PSMD1: variants seen among roughly 807,000 people sequenced by gnomAD.
PSMD1 encodes the protein proteasome 26S subunit, non-ATPase 1.
Under a neutral mutation model 119.0 loss-of-function variants are expected in PSMD1, and 18 were observed. That is an observed-to-expected ratio of 0.15 (90% CI 0.10 to 0.22). The LOEUF is 0.22. Among genes scored for constraint, PSMD1 ranks in the 10% least tolerant of loss-of-function variants. The probability of loss-of-function intolerance (pLI) is 1.00; values close to 1 mark genes in which losing one functional copy is unlikely to be tolerated. For missense variants in PSMD1, 702 were observed against 1,158.5 expected (o/e 0.61, Z 5.72); for synonymous variants, 374 against 396.6 (o/e 0.94, Z 0.68).
At chr2:231,068,213 G>A (rs1196647925) in intron 5 of PSMD1, among the ~76,000 whole-genome samples, 2 of 152,104 alleles carry the variant, frequency 1.3e-5, no homozygotes, top group Non-Finnish European at 2.9e-5. Flanking sequence ...AGGTATTTGT[G>A]CCTTTTTCAC....
intron 5 of PSMD1, among the ~76,000 whole-genome samples, chr2:231,068,191 C>A (rs1448656384): frequency 1.3e-5 from 2 of 152,168 alleles, no homozygotes; most frequent in African/African-American, 4.8e-5. Context: ...AGATCATAAG[C>A]TATATCGGGA....
chr2:231,157,445 T>A (rs951657087), intron 19 of PSMD1, among the ~76,000 whole-genome samples: 6 of 149,768 alleles, frequency 4.0e-5, no homozygotes, highest in East Asian at 1.9e-4. Context: ...TTTTTTTTTT[T>A]ATATCTTCTT....
At chr2:231,158,444 A>G (rs1696560448) in intron 19 of PSMD1, among the ~76,000 whole-genome samples, 1 of 151,670 alleles carries the variant, frequency 6.6e-6, no homozygotes, top group South Asian at 2.1e-4. Flanking sequence ...CCGAAGATAA[A>G]GAAGTTGATT....
At chr2:231,082,637 G>A (rs1559223171) in intron 12 of PSMD1, among the ~76,000 whole-genome samples, 1 of 152,138 alleles carries the variant, frequency 6.6e-6, no homozygotes, top group East Asian at 1.9e-4. Context: ...CCCAGGAGGT[G>A]GAGTTTGCAG....
At chr2:231,067,531 T>G (rs566924970) in intron 5 of PSMD1, among the ~76,000 whole-genome samples, 85 of 152,372 alleles carry the variant, frequency 5.6e-4, no homozygotes, top group Non-Finnish European at 9.7e-4. Context: ...ATCTGCAGGC[T>G]TACTTTGCCT....
At chr2:231,150,371 T>G in intron 18 of PSMD1, among the ~76,000 whole-genome samples, 1 of 151,474 alleles carries the variant, frequency 6.6e-6, no homozygotes, top group Non-Finnish European at 1.5e-5. Flanking sequence ...AAAAAGTATA[T>G]ATGTCTATAT....
At chr2:231,106,339 C>T (rs1305771791) in intron 16 of PSMD1, among the ~76,000 whole-genome samples, 5 of 152,272 alleles carry the variant, frequency 3.3e-5, no homozygotes, top group Admixed American at 3.3e-4. Context: ...TAAGCAAGAG[C>T]TAGACATGGT....
At chr2:231,075,290 T>C (rs916745300) in intron 7 of PSMD1, among the ~76,000 whole-genome samples, 1 of 152,228 alleles carries the variant, frequency 6.6e-6, no homozygotes, top group Non-Finnish European at 1.5e-5. Context: ...TTGTTGTCCA[T>C]GGTTTTGCTA....
intron 16 of PSMD1, among the ~76,000 whole-genome samples, chr2:231,098,121 C>T (rs1191341963): frequency 1.3e-5 from 2 of 152,228 alleles, no homozygotes; most frequent in African/African-American, 2.4e-5. Context: ...CTTCTGCTAG[C>T]AAAGCAGTTG....
In PSMD1 at chr2:231,131,698, C is replaced by G. The variant is rs1410187130; in HGVS notation, c.1884-7038C>G. ...AATGGCGTGAACCCGGGAGGCGGAG[C>G]TTGCAGTGAGCCGAGGTCCCGCCAC... is the stretch of plus-strand genomic sequence containing the variant. On this transcript the variant is annotated intron_variant, in intron 16 of 24. Coordinates refer to ENST00000308696, the MANE Select transcript of PSMD1 (RefSeq NM_002807.4). 4.8e-4 allele frequency among the ~76,000 whole-genome samples: 21 copies of G among 43,532 alleles called. 4 individuals are homozygous for G. The highest frequency in any genetic ancestry group is 3.6e-4 in the Non-Finnish European group (11 of 30,356). 28.6% of individuals were successfully genotyped at this position (43,532 alleles called of 152,430 possible).
intron 16 of PSMD1, chr2:231,108,752 G>T: frequency 6.2e-7 from 1 of 1,614,102 alleles, no homozygotes; most frequent in South Asian, 1.1e-5. Flanking sequence ...AGTTTTTACT[G>T]ACTTTGTGGC....
chr2:231,128,190 T>C (rs766608475), intron 16 of PSMD1, among the ~76,000 whole-genome samples: 6 of 152,236 alleles, frequency 3.9e-5, no homozygotes, highest in Non-Finnish European at 8.8e-5. Context: ...TACATATTCA[T>C]TTGTGAAGTA....
intron 17 of PSMD1, among the ~76,000 whole-genome samples, chr2:231,144,277 G>A (rs1424534539): frequency 6.7e-6 from 1 of 149,778 alleles, no homozygotes; most frequent in South Asian, 2.1e-4. Flanking sequence ...TGGAGACAGA[G>A]TTTCACTCTT....
rs959479040 is a variant in PSMD1, at chr2:231,153,729, G to A, written c.2218+63G>A. ...ACTAAATCTAATAAAATAACTATCT[G>A]CTCTAACTATATGACATAATGGAAA... On this transcript the variant is annotated intron_variant, in intron 19 of 24. Coordinates refer to ENST00000308696, the MANE Select transcript of PSMD1 (RefSeq NM_002807.4). 118 of 1,150,376 alleles carry A rather than the reference G, an allele frequency of 1.0e-4. 2 individuals carry two copies. In the South Asian group the frequency reaches 1.5e-3, roughly 15 times the overall value. 71.3% of individuals were successfully genotyped at this position (1,150,376 alleles called of 1,614,324 possible).
intron 16 of PSMD1, among the ~76,000 whole-genome samples, chr2:231,097,974 A>G (rs1230159261): frequency 6.6e-6 from 1 of 152,168 alleles, no homozygotes; most frequent in Non-Finnish European, 1.5e-5. Context: ...AAAATTCTTA[A>G]GCTCACTGCA....
rs1266210828 is a variant in PSMD1, at chr2:231,083,774, A to G, written c.1722+11A>G. The G allele has an allele frequency of 1.7e-5, 28 of 1,613,502 alleles. No individual in the cohort carries two copies. The highest frequency in any genetic ancestry group is 2.3e-5 in the Non-Finnish European group (27 of 1,179,532). Reference sequence around the variant, plus strand: ...CTCTGTCGTGACAAGGTGAGATCACATACGTCCCTCACTGTCCATTTATCT... The same window carrying G: ...CTCTGTCGTGACAAGGTGAGATCACGTACGTCCCTCACTGTCCATTTATCT... On this transcript the variant is annotated intron_variant, in intron 14 of 24. Transcript: ENST00000308696.
chr2:231,109,762 G>A (rs926252208), intron 16 of PSMD1, among the ~76,000 whole-genome samples: 13 of 152,114 alleles, frequency 8.5e-5, no homozygotes, highest in Non-Finnish European at 1.8e-4. Flanking sequence ...GAGAAATTCA[G>A]AAGAGAACCT....
rs1185130944 is a variant in PSMD1, at chr2:231,062,305, G to A, written c.118G>A (p.Glu40Lys). The A allele has an allele frequency of 1.9e-6, 3 of 1,609,726 alleles. No individual in the cohort carries two copies. Among genetic ancestry groups the A allele is most frequent in the South Asian group, 1.1e-5 (1 of 90,852 alleles). ...TAATGACTTCTGGGCAGAAATTTCC[G>A]AGTCCGTAGACAAAATGTAAGAAAT... ...VVNDFWAEIS[E>K]SVDKIEVLYE... The change falls in exon 3 of 25, where the codon GAG becomes AAG. Residue 40 changes from glutamate to lysine, a missense_variant. Physicochemically the swap from Glu to Lys is moderately conservative, Grantham distance 56. This residue lies in a region of PSMD1 where 60 missense variants were observed against 118.2 expected (regional missense o/e 0.51). Coordinates refer to ENST00000308696, the MANE Select transcript of PSMD1 (RefSeq NM_002807.4).
rs181446829 is a variant in PSMD1, at chr2:231,160,982, G to A, written c.2219-358G>A. Among the ~76,000 whole-genome samples, 189 of 152,202 alleles carry A rather than the reference G, an allele frequency of 1.2e-3. 1 individual carries two copies. Among genetic ancestry groups the A allele is most frequent in the African/African-American group, 4.0e-3 (168 of 41,516 alleles). ...TCCCAAGACTTTGGGAGGCTGAGTC[G>A]GGAGGATCATATGAGGCTAGGAGTT... On this transcript the variant is annotated intron_variant, in intron 19 of 24. Transcript: ENST00000308696.
Sources: allele counts gnomAD v4.1 joint callset (sites outside exome capture counted in the v4.1 genomes callset), GRCh38; gene constraint gnomAD v4.1.1; regional missense constraint gnomAD v4.1.1; transcripts MANE v1.5; gene names NCBI Gene and HGNC (gene_info 2026-07-23, HGNC 2026-07-21).